PAK2: variants seen among roughly 807,000 people sequenced by gnomAD.
PAK2 encodes serine/threonine-protein kinase PAK 2.
PAK2 carries 21 observed loss-of-function variants against 65.9 expected under a neutral mutation model. That is an observed-to-expected ratio of 0.32 (90% CI 0.23 to 0.46). The LOEUF is 0.46. Among genes scored for constraint, PAK2 ranks in the 20% least tolerant of loss-of-function variants. The probability of loss-of-function intolerance (pLI) is 1.00; values close to 1 mark genes in which losing one functional copy is unlikely to be tolerated. For synonymous variants in PAK2, 204 were observed against 219.7 expected, an observed-to-expected ratio of 0.93 and a Z score of 0.63; for missense variants, 324 against 642.6, an observed-to-expected ratio of 0.50 and a Z score of 5.36.
chr3:196,807,572 A>G (rs1715627387), intron 6 of PAK2, among the ~76,000 whole-genome samples: 1 of 152,156 alleles, frequency 6.6e-6, no homozygotes, highest in East Asian at 1.9e-4. Context: ...AGCTTTTCAA[A>G]TATATTCATG....
At chr3:196,773,935 G>C (rs535562316) in intron 1 of PAK2, among the ~76,000 whole-genome samples, 2 of 151,526 alleles carry the variant, frequency 1.3e-5, no homozygotes, top group Admixed American at 6.6e-5. Context: ...CCAGCTACTC[G>C]GGAGGCTGAG....
Position 196,814,554 on chromosome 3 carries a change from G to C in PAK2, c.1039G>C (p.Ala347Pro). 7.3e-7 allele frequency: 1 copy of C among 1,372,910 alleles called. No individual in the cohort carries two copies. Among genetic ancestry groups the C allele is most frequent in the Non-Finnish European group, 1.0e-6 (1 of 964,110 alleles). 85.0% of individuals were successfully genotyped at this position (1,372,910 alleles called of 1,614,324 possible). Reference sequence around the variant, plus strand: ...GTGCATGGATGAAGCACAGATTGCTGCTGTATGCAGAGAGGTAGGTTTGCC... The same window carrying C: ...GTGCATGGATGAAGCACAGATTGCTCCTGTATGCAGAGAGGTAGGTTTGCC... ...ETCMDEAQIA[A>P]VCRECLQALE... Residue 347 changes from alanine to proline, a missense_variant, in exon 11 of 15, where the codon GCT (alanine) becomes CCT (proline). Around this residue, in one of 5 missense-constraint regions of PAK2, gnomAD observed 36 missense variants for 161.5 expected, o/e 0.22. Coordinates refer to ENST00000327134, the MANE Select transcript of PAK2 (RefSeq NM_002577.4).
At chr3:196,805,711 A>AT (rs1169086432) in intron 5 of PAK2, among the ~76,000 whole-genome samples, 1 of 151,944 alleles carries the variant, frequency 6.6e-6, no homozygotes, top group Non-Finnish European at 1.5e-5. Context: ...TTCTGGTACT[A>AT]TTTTACTGAA....
intron 1 of PAK2, among the ~76,000 whole-genome samples, chr3:196,759,445 T>C (rs1713872798): frequency 6.7e-6 from 1 of 149,304 alleles, no homozygotes; most frequent in Admixed American, 6.7e-5. Flanking sequence ...AAAACAGATA[T>C]TCATATACAG....
chr3:196,808,063 T>C, intron 7 of PAK2, 149 bp downstream of exon 7: 3 of 658,544 alleles, frequency 4.6e-6, no homozygotes, highest in Non-Finnish European at 7.4e-6. Flanking sequence ...TCAATTACAA[T>C]CTGGTGATGT....
Position 196,803,183 on chromosome 3 carries a change from G to C in PAK2, c.436+19G>C, listed in dbSNP as rs201816624. The C allele has an allele frequency of 1.1e-5, 17 of 1,570,894 alleles. No individual in the cohort carries two copies. The highest frequency in any genetic ancestry group is 1.4e-5 in the Non-Finnish European group (16 of 1,161,688). On this transcript the variant is annotated intron_variant, in intron 4 of 14. Transcript: ENST00000327134. ...CCTCCTGGTAAGAGAGTGGCATAAG[G>C]CTGGATCAGATGGAGATTTGTGAAG...
In PAK2 at chr3:196,806,665, G is replaced by T. The variant is rs756843915; in HGVS notation, c.555G>T (p.Pro185=). 4 of 1,606,306 alleles carry T rather than the reference G, an allele frequency of 2.5e-6. No homozygotes were observed. The South Asian group carries it at 3.3e-5, about 13-fold the overall frequency. The change falls in exon 6 of 15, where the codon CCG becomes CCT. Residue 185 remains proline, a synonymous_variant. Coordinates refer to ENST00000327134, the MANE Select transcript of PAK2 (RefSeq NM_002577.4). Reference sequence around the variant, plus strand: ...AGACTGCTCCTCCCGTTATTGCCCCGCGACCGGATCATACGAAATCAGTGA... The same window carrying T: ...AGACTGCTCCTCCCGTTATTGCCCCTCGACCGGATCATACGAAATCAGTGA... ...DEETAPPVIA[P]RPDHTKSIYT... is the part of the protein sequence containing the mutation.
At chr3:196,773,043 G>A (rs948484502) in intron 1 of PAK2, among the ~76,000 whole-genome samples, 10 of 152,236 alleles carry the variant, frequency 6.6e-5, no homozygotes, top group African/African-American at 2.2e-4. Flanking sequence ...ATACCACTCC[G>A]CTGTTCGTTT....
intron 2 of PAK2, among the ~76,000 whole-genome samples, chr3:196,795,351 C>G (rs775931170): frequency 6.6e-5 from 10 of 151,780 alleles, no homozygotes; most frequent in Non-Finnish European, 1.0e-4. Flanking sequence ...CACCTGTACT[C>G]CCAGGACTTG....
chr3:196,811,184 C>T (rs1043344700), intron 8 of PAK2, among the ~76,000 whole-genome samples: 1 of 145,840 alleles, frequency 6.9e-6, no homozygotes, highest in Non-Finnish European at 1.5e-5. Flanking sequence ...TGAAAACTTC[C>T]ATATGAATTC....
chr3:196,795,097 TAAC>T (rs997458086), intron 2 of PAK2, among the ~76,000 whole-genome samples: 12 of 152,258 alleles, frequency 7.9e-5, no homozygotes, highest in Non-Finnish European at 1.0e-4. Flanking sequence ...TCAAGAAATT[TAAC>T]AACATTTGAG....
At chr3:196,753,252 G>A (rs920140164) in intron 1 of PAK2, among the ~76,000 whole-genome samples, 1 of 146,300 alleles carries the variant, frequency 6.8e-6, no homozygotes, top group Non-Finnish European at 1.5e-5. Context: ...CCACCGCGCC[G>A]GGCCTGAGAA....
chr3:196,785,466 T>C (rs910807358), intron 2 of PAK2, among the ~76,000 whole-genome samples: 1 of 152,158 alleles, frequency 6.6e-6, no homozygotes, highest in African/African-American at 2.4e-5. Flanking sequence ...AGCGTTCCCA[T>C]TGCTGAGCAC....
chr3:196,776,925 T>C (rs1714555030), intron 1 of PAK2, among the ~76,000 whole-genome samples: 1 of 152,208 alleles, frequency 6.6e-6, no homozygotes, highest in Admixed American at 6.5e-5. Context: ...AAAATGCTCC[T>C]CCGTTTTCAG....
intron 1 of PAK2, among the ~76,000 whole-genome samples, chr3:196,750,769 AAC>A (rs1477506945): frequency 8.0e-5 from 12 of 150,592 alleles, no homozygotes; most frequent in Non-Finnish European, 1.2e-4. Context: ...AAAAAAAAAA[AAC>A]CAAAACATGT....
rs141786244 is a variant in PAK2 at position 196,813,765 on chromosome 3, C to T, written c.936-686C>T. 2.6e-5 allele frequency among the ~76,000 whole-genome samples: 4 copies of T among 152,076 alleles called. No homozygotes were observed. In the East Asian group the frequency reaches 5.8e-4, roughly 22 times the overall value. The stretch of plus-strand genomic sequence containing the variant: ...ATGAGATCGAGACCATCCTGGCCAA[C>T]GTGGTGAAACCCTGTCTCTACTAAA... On this transcript the variant is annotated intron_variant, in intron 10 of 14. Transcript: ENST00000327134.
intron 13 of PAK2, among the ~76,000 whole-genome samples, chr3:196,823,964 T>C (rs1320917723): frequency 6.6e-6 from 1 of 152,102 alleles, no homozygotes; most frequent in East Asian, 1.9e-4. Context: ...AGATTGACCT[T>C]CACGTGTATC....
intron 2 of PAK2, among the ~76,000 whole-genome samples, chr3:196,787,202 T>C (rs1233004022): frequency 2.0e-5 from 3 of 152,182 alleles, no homozygotes; most frequent in African/African-American, 7.2e-5. Flanking sequence ...TTGCTTTGGC[T>C]TTTTGCATCT....
At chr3:196,805,182 G>A (rs998513109) in intron 4 of PAK2, among the ~76,000 whole-genome samples, 170 bp from the exon 5 acceptor site, 1 of 150,938 alleles carries the variant, frequency 6.6e-6, no homozygotes, top group African/African-American at 2.4e-5. Flanking sequence ...TCTTACCTTG[G>A]TCTTATATAA....
Sources: allele counts gnomAD v4.1 joint callset (sites outside exome capture counted in the v4.1 genomes callset), GRCh38; gene constraint gnomAD v4.1.1; regional missense constraint gnomAD v4.1.1; transcripts MANE v1.5; gene names NCBI Gene and HGNC (gene_info 2026-07-23, HGNC 2026-07-21).